The following UST variants were observed in gnomAD, a reference collection of about 807,000 sequenced individuals.
UST encodes chondroitin sulfate 2-O-sulfotransferase.
In UST, 21 loss-of-function variants were observed where a neutral mutation model predicts 45.6. That is an observed-to-expected ratio of 0.46 (90% CI 0.33 to 0.66). The LOEUF is 0.66. Ranked by LOEUF, UST falls within the 30% of genes least tolerant of loss-of-function variation. UST has a pLI of 0.02. For missense variants in UST, 463 were observed against 512.4 expected, an observed-to-expected ratio of 0.90 and a Z score of 0.93; for synonymous variants, 215 against 200.6, an observed-to-expected ratio of 1.07 and a Z score of -0.61.
intron 5 of UST, among the ~76,000 whole-genome samples, chr6:148,987,385 C>A (rs1417933337): frequency 1.3e-5 from 2 of 152,168 alleles, no homozygotes; most frequent in Non-Finnish European, 2.9e-5. Flanking sequence ...TCAGGATGGA[C>A]AGGGCACTGC....
intron 7 of UST, among the ~76,000 whole-genome samples, chr6:149,066,596 T>C (rs919476758): frequency 3.3e-5 from 5 of 152,060 alleles, no homozygotes; most frequent in African/African-American, 9.7e-5. Context: ...CTGACCCTCA[T>C]GTTTAGACGG....
At chr6:148,892,536 CTA>C (rs1186695455) in intron 2 of UST, among the ~76,000 whole-genome samples, 15 of 152,066 alleles carry the variant, frequency 9.9e-5, no homozygotes, top group Non-Finnish European at 5.9e-5. Flanking sequence ...AATATGGTAG[CTA>C]TTAGCCTCAG....
chr6:148,962,342 G>A (rs1780677544), intron 4 of UST, among the ~76,000 whole-genome samples: 1 of 152,218 alleles, frequency 6.6e-6, no homozygotes, highest in African/African-American at 2.4e-5. Context: ...TGCTGTGCAT[G>A]GATTCACATG....
intron 1 of UST, among the ~76,000 whole-genome samples, chr6:148,794,831 C>A (rs147920054): frequency 2.6e-5 from 4 of 152,328 alleles, no homozygotes; most frequent in African/African-American, 9.6e-5. Flanking sequence ...AGTTGGGGAA[C>A]TTATTCCTTC....
chr6:149,060,005 G>A (rs1776629702), intron 7 of UST, among the ~76,000 whole-genome samples: 1 of 152,056 alleles, frequency 6.6e-6, no homozygotes, highest in Non-Finnish European at 1.5e-5. Context: ...TCTCTTCCTG[G>A]TTCCTTTTAC....
At chr6:148,824,052 A>C (rs1777520647) in intron 1 of UST, among the ~76,000 whole-genome samples, 1 of 152,392 alleles carries the variant, frequency 6.6e-6, no homozygotes, top group East Asian at 1.9e-4. Flanking sequence ...TGGAGGACTA[A>C]TAATAGCAGG....
chr6:149,015,495 G>A (rs914366657), intron 5 of UST, among the ~76,000 whole-genome samples: 2 of 152,198 alleles, frequency 1.3e-5, no homozygotes, highest in African/African-American at 4.8e-5. Context: ...TGCCCATGGT[G>A]TGTGCCAAGA....
At position 149,075,889 on chromosome 6, in the gene UST, T is replaced by C. The variant is rs1426179526; in HGVS notation, c.*1773T>C. ...CTTTTCATAAACCACAAAGTCTCTC[T>C]AGAATTTTTTCTGCCTTCACTAAAA... On this transcript the variant is annotated 3_prime_UTR_variant, in exon 8 of 8. Coordinates refer to ENST00000367463, the MANE Select transcript of UST (RefSeq NM_005715.3). 1.3e-5 allele frequency: 2 copies of C among 152,630 alleles called. No homozygotes were observed. The highest frequency in any genetic ancestry group is 2.9e-5 in the Non-Finnish European group (2 of 68,042). The allele number at this position is 152,630 out of a possible 1,614,324, so 9.5% of individuals were successfully genotyped here. A position where few individuals can be genotyped will look rare whatever the true frequency, so the allele number is the denominator to read the frequency against.
chr6:148,958,890 G>A (rs757206489), intron 4 of UST: 4 of 152,178 alleles, frequency 2.6e-5, no homozygotes, highest in Admixed American at 2.6e-4. Context: ...CATTATGAGA[G>A]ACACCAATAT....
intron 2 of UST, among the ~76,000 whole-genome samples, chr6:148,912,407 G>T (rs1485199931): frequency 1.3e-5 from 2 of 152,224 alleles, no homozygotes; most frequent in African/African-American, 4.8e-5. Context: ...GGCCGAGCAG[G>T]CCCATATCCC....
chr6:149,052,449 T>C (rs59628515), intron 7 of UST, among the ~76,000 whole-genome samples: 5,069 of 152,284 alleles, frequency 0.033, 295 homozygotes, highest in African/African-American at 0.11. Flanking sequence ...TTATGTCCAT[T>C]GTACAGATAA....
intron 1 of UST, among the ~76,000 whole-genome samples, chr6:148,875,678 TC>T (rs1318649609): frequency 6.6e-6 from 1 of 152,114 alleles, no homozygotes; most frequent in Non-Finnish European, 1.5e-5. Flanking sequence ...GTGGCACGCA[TC>T]TGTAGTCCCA....
chr6:149,031,680 T>C (rs1776145511), intron 7 of UST, among the ~76,000 whole-genome samples: 1 of 152,230 alleles, frequency 6.6e-6, no homozygotes, highest in African/African-American at 2.4e-5. Flanking sequence ...AAAATATTTC[T>C]CTTCTCTGAA....
At chr6:149,013,130 C>T (rs542144013) in intron 5 of UST, among the ~76,000 whole-genome samples, 1 of 152,270 alleles carries the variant, frequency 6.6e-6, no homozygotes, top group South Asian at 2.1e-4. Flanking sequence ...TCTCTCTCTG[C>T]CGTTCATGAA....
Position 148,906,028 on chromosome 6 carries a change from A to G in UST, c.291+18999A>G, listed in dbSNP as rs529796886. 8.0e-5 allele frequency among the ~76,000 whole-genome samples: 12 copies of G among 150,016 alleles called. 1 individual carries two copies. The South Asian group carries it at 2.3e-3, about 29-fold the overall frequency. On this transcript the variant is annotated intron_variant, in intron 2 of 7. Coordinates refer to ENST00000367463, the MANE Select transcript of UST (RefSeq NM_005715.3). The stretch of plus-strand genomic sequence containing the variant: ...TAATGGATATGTACTAATTATGTGT[A>G]CCTAGAGGAATCCTTTCATCTGGCA...
chr6:148,823,131 T>A (rs1210038418), intron 1 of UST, among the ~76,000 whole-genome samples: 2 of 152,242 alleles, frequency 1.3e-5, no homozygotes, highest in Non-Finnish European at 2.9e-5. Flanking sequence ...CAGAGACTAC[T>A]CTTTTAGTTG....
At chr6:149,004,369 G>T (rs745957808) in intron 5 of UST, among the ~76,000 whole-genome samples, 4 of 152,208 alleles carry the variant, frequency 2.6e-5, no homozygotes, top group Non-Finnish European at 4.4e-5. Flanking sequence ...CAGTTATTGA[G>T]ATCAGACTTC....
chr6:148,873,698 G>T (rs1184462884), intron 1 of UST, among the ~76,000 whole-genome samples: 1 of 152,210 alleles, frequency 6.6e-6, no homozygotes, highest in East Asian at 1.9e-4. Flanking sequence ...CTGACATGGT[G>T]CAGGTCACCT....
At chr6:148,919,417 CGTGT>C (rs71007929) in intron 2 of UST, among the ~76,000 whole-genome samples, 23,520 of 147,868 alleles carry the variant, frequency 0.16, 1,984 homozygotes, top group Middle Eastern at 0.26. Flanking sequence ...GTGTCAGAGC[CGTGT>C]GTGTGTGTGT....
Sources: allele counts gnomAD v4.1 joint callset (sites outside exome capture counted in the v4.1 genomes callset), GRCh38; gene constraint gnomAD v4.1.1; transcripts MANE v1.5; gene names NCBI Gene and HGNC (gene_info 2026-07-23, HGNC 2026-07-21).